C12orf42: variants seen among roughly 807,000 people sequenced by gnomAD.
The protein encoded by C12orf42 is uncharacterized protein C12orf42.
Under a neutral mutation model 21.6 loss-of-function variants are expected in C12orf42, and 25 were observed. That is an observed-to-expected ratio of 1.16 (90% CI 0.84 to 1.62). The LOEUF is 1.62. C12orf42 is among the 40% of genes most tolerant of loss of function. The probability of loss-of-function intolerance (pLI) is 0.00; values close to 1 mark genes in which losing one functional copy is unlikely to be tolerated. For missense variants in C12orf42, 483 were observed against 459.3 expected (o/e 1.05, Z -0.47); for synonymous variants, 174 against 175.0 (o/e 0.99, Z 0.05).
At chr12:103,353,952 A>G (rs1469109623) in intron 4 of C12orf42, among the ~76,000 whole-genome samples, 1 of 152,024 alleles carries the variant, frequency 6.6e-6, no homozygotes, top group Non-Finnish European at 1.5e-5. Flanking sequence ...TCAGGGAATC[A>G]GAGAGAGAGA....
chr12:103,277,570 T>C lies in C12orf42; in HGVS notation n.338-360A>G, dbSNP rs535414420. On this transcript the variant is annotated intron_variant and non_coding_transcript_variant, in intron 4 of 6. Transcript: ENST00000546526. ...GGATTACACTTGAGAACCACTGATA[T>C]ATAATAAAAATTCATCTGACCTTGA... Among the ~76,000 whole-genome samples the C allele has an allele frequency of 2.0e-5, 3 of 152,174 alleles. No homozygotes were observed. In the South Asian group the frequency reaches 6.2e-4, roughly 32 times the overall value.
the C12orf42 span, among the ~76,000 whole-genome samples, chr12:103,098,574 C>T: frequency 6.6e-6 from 1 of 152,176 alleles, no homozygotes; most frequent in Non-Finnish European, 1.5e-5. Flanking sequence ...CAATGCATGT[C>T]ATCTCTCACC....
At chr12:103,447,819 C>T (rs1022373547) in intron 2 of C12orf42, among the ~76,000 whole-genome samples, 2 of 151,942 alleles carry the variant, frequency 1.3e-5, no homozygotes, top group Non-Finnish European at 2.9e-5. Context: ...GGGAGCACAT[C>T]CCATGCTCAT....
intron 2 of C12orf42, among the ~76,000 whole-genome samples, chr12:103,403,639 G>C (rs1019367890): frequency 5.3e-5 from 8 of 152,188 alleles, no homozygotes; most frequent in Non-Finnish European, 1.2e-4. Flanking sequence ...CTGCTGGTTT[G>C]ATTGGAAAAG....
At chr12:103,074,906 G>A in the C12orf42 span, among the ~76,000 whole-genome samples, 1 of 151,800 alleles carries the variant, frequency 6.6e-6, no homozygotes, top group Non-Finnish European at 1.5e-5. Flanking sequence ...GGCAACATAG[G>A]GAGACTTTGT....
chr12:103,308,090 A>G (rs573608643), intron 4 of C12orf42, among the ~76,000 whole-genome samples: 2 of 152,316 alleles, frequency 1.3e-5, no homozygotes, highest in African/African-American at 4.8e-5. Context: ...ACTCTGCCTC[A>G]GTTTCTCATT....
chr12:103,215,502 A>G, the C12orf42 span, among the ~76,000 whole-genome samples: 2 of 152,172 alleles, frequency 1.3e-5, no homozygotes, highest in African/African-American at 4.8e-5. Context: ...CTAATGGATG[A>G]GTAACAGCCT....
the C12orf42 span, among the ~76,000 whole-genome samples, chr12:103,169,848 C>T: frequency 6.6e-6 from 1 of 151,916 alleles, no homozygotes; most frequent in African/African-American, 2.4e-5. Flanking sequence ...AGTGAACAGA[C>T]CAAGGTTAGA....
chr12:103,499,893 A>G (rs745793433), upstream of C12orf42, among the ~76,000 whole-genome samples: 18 of 152,224 alleles, frequency 1.2e-4, no homozygotes, highest in Non-Finnish European at 2.5e-4. Context: ...ATGCTATTGA[A>G]ATTGTTCAAG....
downstream of C12orf42, among the ~76,000 whole-genome samples, chr12:103,232,653 G>A (rs1164686380): frequency 6.7e-6 from 1 of 150,022 alleles, no homozygotes; most frequent in Non-Finnish European, 1.5e-5. Context: ...AGAGCTTGAA[G>A]TGAGCCGAGA....
intron 10 of C12orf42, among the ~76,000 whole-genome samples, chr12:103,245,011 A>G (rs1339372698): frequency 6.6e-6 from 1 of 152,132 alleles, no homozygotes; most frequent in Non-Finnish European, 1.5e-5. Context: ...GAAAGAAGAT[A>G]TTGTTGTATT....
At chr12:103,295,077 A>G (rs57646178) in intron 4 of C12orf42, among the ~76,000 whole-genome samples, 2,249 of 152,250 alleles carry the variant, frequency 0.015, 44 homozygotes, top group African/African-American at 0.049. Flanking sequence ...AGCTCCATCC[A>G]TGTTCCTGCA....
chr12:103,363,659 T>C (rs1410546808), intron 4 of C12orf42, among the ~76,000 whole-genome samples: 1 of 152,032 alleles, frequency 6.6e-6, no homozygotes, highest in Non-Finnish European at 1.5e-5. Flanking sequence ...AGACATTCCA[T>C]ACAAATGGAC....
At chr12:103,123,476 C>A in the C12orf42 span, among the ~76,000 whole-genome samples, 1 of 152,054 alleles carries the variant, frequency 6.6e-6, no homozygotes, top group Admixed American at 6.6e-5. Context: ...AAAACATGAC[C>A]TGAGAAAGTA....
chr12:103,110,248 T>G, the C12orf42 span, among the ~76,000 whole-genome samples: 3 of 152,196 alleles, frequency 2.0e-5, no homozygotes, highest in Non-Finnish European at 2.9e-5. Context: ...AGTATCAACA[T>G]GGTGAAACTA....
the C12orf42 span, among the ~76,000 whole-genome samples, chr12:103,514,367 G>T: frequency 5.3e-5 from 8 of 152,310 alleles, no homozygotes; most frequent in Admixed American, 1.3e-4. Flanking sequence ...CATTTGAGCA[G>T]GAACTGGAAG....
the C12orf42 span, among the ~76,000 whole-genome samples, chr12:103,177,857 TTG>T: frequency 0.013 from 1,654 of 122,678 alleles, 27 homozygotes; most frequent in African/African-American, 0.042. Flanking sequence ...GTGTGTGTGT[TTG>T]TGTGTGTGTG....
intron 4 of C12orf42, among the ~76,000 whole-genome samples, chr12:103,354,649 T>C (rs1367728327): frequency 6.6e-6 from 1 of 152,156 alleles, no homozygotes; most frequent in Non-Finnish European, 1.5e-5. Context: ...TAAATGCATA[T>C]AAAATTATAG....
chr12:103,104,958 TC>T, the C12orf42 span, among the ~76,000 whole-genome samples: 3 of 152,132 alleles, frequency 2.0e-5, no homozygotes, highest in African/African-American at 7.2e-5. Context: ...GTCTCCACCT[TC>T]CCCATGAAGT....
Sources: gnomAD v4.1 joint callset for allele counts (sites outside exome capture counted in the v4.1 genomes callset) on GRCh38, gnomAD v4.1.1 for gene constraint, MANE v1.5 for transcripts, NCBI Gene and HGNC (gene_info 2026-07-23, HGNC 2026-07-21) for gene names.